The following ROBO2 variants were observed in gnomAD, a reference collection of about 807,000 sequenced individuals.
ROBO2 encodes the protein roundabout homolog 2.
A neutral mutation model predicts 160.8 loss-of-function variants in ROBO2; 53 were observed. The observed-to-expected ratio is 0.33, with a 90% CI of 0.26 to 0.41. The LOEUF (loss-of-function observed/expected upper bound fraction) is 0.41, where lower values mean the gene tolerates loss of function less well. Ranked by LOEUF, ROBO2 falls within the 10% of genes least tolerant of loss-of-function variation. ROBO2 has a pLI of 1.00. For synonymous variants in ROBO2, 664 were observed against 611.7 expected (o/e 1.09, Z -1.26); for missense variants, 1,577 against 1,722.4 (o/e 0.92, Z 1.49).
chr3:77,387,043 C>T (rs530173940), intron 2 of ROBO2, among the ~76,000 whole-genome samples: 20 of 152,130 alleles, frequency 1.3e-4, no homozygotes, highest in African/African-American at 4.8e-4. Flanking sequence ...AAGCCGCTCA[C>T]ATTCCCAAAT....
At chr3:77,314,503 T>C (rs2063804871) in intron 2 of ROBO2, among the ~76,000 whole-genome samples, 1 of 152,220 alleles carries the variant, frequency 6.6e-6, no homozygotes, top group African/African-American at 2.4e-5. Flanking sequence ...CTAATAATTA[T>C]AACATTGATT....
rs78499965 is a variant in ROBO2 at position 76,954,472 on chromosome 3, A to T, written c.110-143542A>T. On this transcript the variant is annotated intron_variant, in intron 2 of 26. Transcript: ENST00000487694. ...TAGTGGCCTCACCTGAATGGCATAT[A>T]TTTCTCGCATTACTTCTAACACTAT... 3.5e-4 allele frequency among the ~76,000 whole-genome samples: 53 copies of T among 152,296 alleles called. 2 individuals carry two copies. In the East Asian group the frequency reaches 0.01, roughly 29 times the overall value.
chr3:76,592,694 A>G (rs1351667417), intron 2 of ROBO2, among the ~76,000 whole-genome samples: 1 of 152,082 alleles, frequency 6.6e-6, no homozygotes, highest in African/African-American at 2.4e-5. Context: ...TGTAGGCCAG[A>G]CGTCCTGGTG....
chr3:77,528,474 A>T (rs57329840), intron 6 of ROBO2, among the ~76,000 whole-genome samples: 579 of 151,706 alleles, frequency 3.8e-3, no homozygotes, highest in African/African-American at 0.014. Context: ...GCTAGACAGT[A>T]TGTTTTTACA....
chr3:76,540,212 T>C (rs1475209614), intron 2 of ROBO2, among the ~76,000 whole-genome samples: 4 of 152,048 alleles, frequency 2.6e-5, no homozygotes, highest in Non-Finnish European at 5.9e-5. Context: ...CCAAGGGAAA[T>C]GGCTTGCAGA....
chr3:77,246,359 G>GT (rs766748325), intron 2 of ROBO2, among the ~76,000 whole-genome samples: 2 of 150,466 alleles, frequency 1.3e-5, no homozygotes, highest in Admixed American at 1.3e-4. Flanking sequence ...GTGTGTGTGT[G>GT]TTTTGCATGT....
intron 2 of ROBO2, among the ~76,000 whole-genome samples, chr3:76,593,585 C>T (rs562664813): frequency 6.6e-6 from 1 of 152,000 alleles, no homozygotes; most frequent in East Asian, 1.9e-4. Flanking sequence ...TAATGGTTTT[C>T]AGAAATTAAG....
chr3:77,423,596 C>CT (rs556507488), intron 2 of ROBO2, among the ~76,000 whole-genome samples: 9 of 152,224 alleles, frequency 5.9e-5, no homozygotes, highest in Admixed American at 4.6e-4. Context: ...TCCCTCCCCA[C>CT]TTTTTTCTGA....
chr3:76,444,941 A>C (rs1042025265), intron 2 of ROBO2, among the ~76,000 whole-genome samples: 1 of 152,200 alleles, frequency 6.6e-6, no homozygotes, highest in African/African-American at 2.4e-5. Flanking sequence ...GGCATTCAAT[A>C]AACTCCATTG....
chr3:76,836,387 A>G (rs2067689728), intron 2 of ROBO2, among the ~76,000 whole-genome samples: 1 of 150,880 alleles, frequency 6.6e-6, no homozygotes, highest in East Asian at 1.9e-4. Flanking sequence ...GTGAACTATT[A>G]TCCTCAGCTA....
intron 2 of ROBO2, among the ~76,000 whole-genome samples, chr3:76,066,818 A>G (rs2068267854): frequency 6.6e-6 from 1 of 151,920 alleles, no homozygotes; most frequent in Non-Finnish European, 1.5e-5. Flanking sequence ...AAGAAATAAT[A>G]TTTTATATAA....
chr3:77,494,696 C>G (rs1003104548), intron 5 of ROBO2, among the ~76,000 whole-genome samples: 4 of 152,204 alleles, frequency 2.6e-5, no homozygotes, highest in Non-Finnish European at 5.9e-5. Context: ...TCACTGCTAT[C>G]AGTAATTTCC....
intron 1 of ROBO2, among the ~76,000 whole-genome samples, chr3:75,930,347 C>T (rs573810708): frequency 6.4e-4 from 97 of 152,202 alleles, no homozygotes; most frequent in African/African-American, 1.4e-3. Context: ...ACAATCCATC[C>T]GTACTCTCTT....
At chr3:76,834,119 T>TCC in intron 2 of ROBO2, among the ~76,000 whole-genome samples, 1 of 145,252 alleles carries the variant, frequency 6.9e-6, no homozygotes, top group East Asian at 2.1e-4. Context: ...TCTTTCTCTC[T>TCC]GTCTCTCCTT....
intron 2 of ROBO2, among the ~76,000 whole-genome samples, chr3:76,499,903 T>A (rs1172793073): frequency 2.6e-5 from 4 of 152,130 alleles, no homozygotes; most frequent in Non-Finnish European, 5.9e-5. Context: ...TGTGTGCTGA[T>A]ATACAAATAA....
intron 2 of ROBO2, among the ~76,000 whole-genome samples, chr3:76,081,864 G>A (rs1275790227): frequency 7.0e-6 from 1 of 142,800 alleles, no homozygotes; most frequent in Non-Finnish European, 1.5e-5. Flanking sequence ...ACACACACCA[G>A]AAAAACTGAA....
intron 2 of ROBO2, among the ~76,000 whole-genome samples, chr3:76,352,281 G>A (rs1176148010): frequency 6.6e-6 from 1 of 151,928 alleles, no homozygotes; most frequent in African/African-American, 2.4e-5. Context: ...ACTTCCTCAA[G>A]TTGACAAAGT....
intron 2 of ROBO2, among the ~76,000 whole-genome samples, chr3:76,627,410 A>G (rs2089723790): frequency 6.6e-6 from 1 of 152,206 alleles, no homozygotes; most frequent in African/African-American, 2.4e-5. Context: ...TAAGGGATAA[A>G]GATAACTGTT....
At chr3:77,635,692 T>C (rs2095252181) in intron 24 of ROBO2, among the ~76,000 whole-genome samples, 1 of 152,206 alleles carries the variant, frequency 6.6e-6, no homozygotes, top group East Asian at 1.9e-4. Flanking sequence ...TAACATTCGG[T>C]ACAGAAACAC....
Sources: gnomAD v4.1 joint callset for allele counts (sites outside exome capture counted in the v4.1 genomes callset) on GRCh38, gnomAD v4.1.1 for gene constraint, MANE v1.5 for transcripts, NCBI Gene and HGNC (gene_info 2026-07-23, HGNC 2026-07-21) for gene names.